SIPA1L2: variants seen among roughly 807,000 people sequenced by gnomAD.
The protein encoded by SIPA1L2 is signal induced proliferation associated 1 like 2, also known as signal-induced proliferation-associated 1-like protein 2.
A neutral mutation model predicts 163.9 loss-of-function variants in SIPA1L2; 56 were observed. That is an observed-to-expected ratio of 0.34 (90% confidence interval 0.28 to 0.43). SIPA1L2 has a LOEUF of 0.43. Ranked by LOEUF, SIPA1L2 falls within the 20% of genes least tolerant of loss-of-function variation. The pLI, the probability that SIPA1L2 is intolerant of heterozygous loss-of-function variation, is 1.00. For missense variants in SIPA1L2, 1,974 were observed against 2,193.5 expected (o/e 0.90, Z 2.00); for synonymous variants, 877 against 865.7 (o/e 1.01, Z -0.23).
chr1:232,547,928 A>C (rs750180956), intron 2 of SIPA1L2, among the ~76,000 whole-genome samples: 19 of 152,312 alleles, frequency 1.2e-4, no homozygotes, highest in South Asian at 4.1e-4. Context: ...GACTGTTCTC[A>C]GTGGCAGCTT....
intron 2 of SIPA1L2, among the ~76,000 whole-genome samples, chr1:232,517,038 C>T (rs905938852): frequency 2.6e-5 from 4 of 152,160 alleles, no homozygotes; most frequent in African/African-American, 9.6e-5. Flanking sequence ...TACAAACATA[C>T]GGGTAAATTG....
At chr1:232,460,509 A>G (rs1336071468) in intron 10 of SIPA1L2, among the ~76,000 whole-genome samples, 5 of 152,288 alleles carry the variant, frequency 3.3e-5, no homozygotes, top group African/African-American at 1.2e-4. Flanking sequence ...AGAAATTCTA[A>G]CTGAATAGTT....
intron 2 of SIPA1L2, among the ~76,000 whole-genome samples, chr1:232,556,863 A>T (rs903379000): frequency 1.1e-4 from 16 of 152,166 alleles, no homozygotes; most frequent in African/African-American, 3.9e-4. Flanking sequence ...TCTATTTTTT[A>T]GATTCAGATA....
chr1:232,558,139 A>AG (rs1459007229), intron 2 of SIPA1L2, among the ~76,000 whole-genome samples: 1 of 152,208 alleles, frequency 6.6e-6, no homozygotes, highest in Non-Finnish European at 1.5e-5. Context: ...TGAAATGAGG[A>AG]GAAAAGATAA....
chr1:232,409,027 T>C (rs984302129), intron 19 of SIPA1L2, among the ~76,000 whole-genome samples: 1 of 152,200 alleles, frequency 6.6e-6, no homozygotes, highest in African/African-American at 2.4e-5. Context: ...CTTACCCATG[T>C]AACTCTTATA....
chr1:232,524,119 A>G lies in SIPA1L2; in HGVS notation c.-269-8511T>C, dbSNP rs375387173. ...TTATGTGGTTTATTGTCTGATATAA[A>G]AAAACCCTCTTGTTACTTCAGTAAA... On this transcript the variant is annotated intron_variant, in intron 2 of 22. Coordinates refer to ENST00000674635, the MANE Select transcript of SIPA1L2 (RefSeq NM_020808.5). Among the ~76,000 whole-genome samples the G allele has an allele frequency of 2.8e-3, 427 of 152,342 alleles. 2 individuals are homozygous for G. In the Middle Eastern group the frequency reaches 0.037, roughly 13 times the overall value.
intron 3 of SIPA1L2, 110 bp from the exon 4 acceptor site, chr1:232,493,770 A>C: frequency 2.3e-6 from 3 of 1,327,116 alleles, no homozygotes; most frequent in Non-Finnish European, 3.1e-6. Context: ...CACATAGCTC[A>C]TACACAGTGA....
intron 1 of SIPA1L2, among the ~76,000 whole-genome samples, chr1:232,576,455 T>A (rs1203899971): frequency 6.6e-6 from 1 of 152,172 alleles, no homozygotes; most frequent in Non-Finnish European, 1.5e-5. Flanking sequence ...AAATATTGTG[T>A]TCTGATGGCT....
intron 1 of SIPA1L2, among the ~76,000 whole-genome samples, chr1:232,617,650 A>T (rs914906433): frequency 6.6e-6 from 1 of 152,172 alleles, no homozygotes; most frequent in Non-Finnish European, 1.5e-5. Context: ...TAAAAAAAAA[A>T]GGAACAAAGG....
intron 2 of SIPA1L2, among the ~76,000 whole-genome samples, chr1:232,548,985 C>G (rs112634782): frequency 0.016 from 2,437 of 152,308 alleles, 62 homozygotes; most frequent in African/African-American, 0.055. Flanking sequence ...TGGTGTATAG[C>G]CAGAGGCTTG....
chr1:232,621,348 AC>A (rs1662799318), intron 1 of SIPA1L2, among the ~76,000 whole-genome samples: 1 of 151,540 alleles, frequency 6.6e-6, no homozygotes, highest in Non-Finnish European at 1.5e-5. Flanking sequence ...ATATGCACAC[AC>A]CTTCTTTAGT....
chr1:232,568,603 C>A (rs1368595801), intron 2 of SIPA1L2, among the ~76,000 whole-genome samples: 1 of 152,166 alleles, frequency 6.6e-6, no homozygotes, highest in Non-Finnish European at 1.5e-5. Context: ...ACAGGGCTAT[C>A]CTGGGTACAA....
Position 232,514,193 on chromosome 1 carries a change from T to C in SIPA1L2, c.1147A>G (p.Ser383Gly). 6.2e-7 allele frequency: 1 copy of C among 1,614,214 alleles called. No homozygotes were observed. The highest frequency in any genetic ancestry group is 8.5e-7 in the Non-Finnish European group (1 of 1,180,038). The part of the protein sequence containing the change: ...QTGNCESPLG[S>G]KEDLNSKENL... ...TCTTTGGAGTTGAGGTCCTCCTTGC[T>C]CCCTAAAGGGGACTCACAGTTGCCT... The change falls in exon 3 of 23, where the codon AGC becomes GGC. Residue 383 changes from serine (S) to glycine (G), a missense_variant. Around this residue, in one of 3 missense-constraint regions of SIPA1L2, gnomAD observed 607 missense variants for 624.0 expected, o/e 0.97. Transcript: ENST00000674635.
intron 3 of SIPA1L2, among the ~76,000 whole-genome samples, chr1:232,499,779 T>C (rs12029170): frequency 6.6e-6 from 1 of 151,560 alleles, no homozygotes; most frequent in East Asian, 2.0e-4. Context: ...AGGATGTCAA[T>C]GCCTAGTTTC....
At chr1:232,405,703 A>G (rs1312301886) in intron 19 of SIPA1L2, among the ~76,000 whole-genome samples, 1 of 152,234 alleles carries the variant, frequency 6.6e-6, no homozygotes, top group Non-Finnish European at 1.5e-5. Flanking sequence ...AAAGGAATGG[A>G]AAAGAAAATG....
chr1:232,595,452 C>T (rs898787991), intron 1 of SIPA1L2, among the ~76,000 whole-genome samples: 2 of 151,676 alleles, frequency 1.3e-5, no homozygotes, highest in African/African-American at 4.8e-5. Context: ...TTGTGCTGGG[C>T]TGTCACTGCT....
At chr1:232,552,106 C>G (rs1237280210) in intron 2 of SIPA1L2, among the ~76,000 whole-genome samples, 1 of 152,148 alleles carries the variant, frequency 6.6e-6, no homozygotes, top group Non-Finnish European at 1.5e-5. Flanking sequence ...TCCCAAAGTG[C>G]TGGGATTACA....
intron 1 of SIPA1L2, among the ~76,000 whole-genome samples, chr1:232,598,837 T>A (rs763154767): frequency 9.9e-5 from 15 of 151,736 alleles, no homozygotes; most frequent in Non-Finnish European, 1.0e-4. Context: ...TGGGGGAATA[T>A]AAATATTCAG....
chr1:232,545,248 C>T (rs1273059591), intron 2 of SIPA1L2, among the ~76,000 whole-genome samples: 2 of 152,196 alleles, frequency 1.3e-5, no homozygotes, highest in Non-Finnish European at 2.9e-5. Context: ...GCACAGCCTT[C>T]ACATGGACTT....
Sources: gnomAD v4.1 joint callset for allele counts (sites outside exome capture counted in the v4.1 genomes callset) on GRCh38, gnomAD v4.1.1 for gene constraint, gnomAD v4.1.1 regional missense constraint, MANE v1.5 for transcripts, NCBI Gene and HGNC (gene_info 2026-07-23, HGNC 2026-07-21) for gene names.